Variants in NSD1 observed in about 807,000 individuals in gnomAD.
NSD1 encodes nuclear receptor binding SET domain protein 1.
In NSD1, 26 loss-of-function variants were observed where a neutral mutation model predicts 242.7. That is an observed-to-expected ratio of 0.11 (90% CI 0.08 to 0.15). NSD1 has a LOEUF of 0.15. NSD1 is among the 10% of genes least tolerant of loss of function. The pLI is 1.00. For missense variants in NSD1, 2,495 were observed against 3,272.8 expected, an observed-to-expected ratio of 0.76 and a Z score of 5.80; for synonymous variants, 1,106 against 1,178.1, an observed-to-expected ratio of 0.94 and a Z score of 1.25.
At chr5:177,203,902 A>AT (rs1249233069) in intron 3 of NSD1, among the ~76,000 whole-genome samples, 1 of 152,192 alleles carries the variant, frequency 6.6e-6, no homozygotes, top group Non-Finnish European at 1.5e-5. Context: ...ATCAGACTAG[A>AT]CTACTGATTC....
chr5:177,275,772 T>A (rs958003095), intron 17 of NSD1, among the ~76,000 whole-genome samples: 1 of 152,098 alleles, frequency 6.6e-6, no homozygotes, highest in Non-Finnish European at 1.5e-5. Context: ...AGCATAGTTG[T>A]GAATTATTGA....
chr5:177,235,734 C>A, intron 5 of NSD1, 87 bp from the exon 6 acceptor site: 1 of 1,558,488 alleles, frequency 6.4e-7, no homozygotes, highest in South Asian at 1.1e-5. Context: ...CATCTGGTTA[C>A]TTTTGGGAGT....
At chr5:177,267,949 A>C (rs1305757054) in intron 15 of NSD1, among the ~76,000 whole-genome samples, 1 of 98,092 alleles carries the variant, frequency 1.0e-5, no homozygotes, top group Non-Finnish European at 2.0e-5. Context: ...GTATTTTGTG[A>C]AAAGTTTTTT....
chr5:177,171,919 C>A (rs1258893083), intron 2 of NSD1, among the ~76,000 whole-genome samples: 2 of 152,184 alleles, frequency 1.3e-5, no homozygotes, highest in East Asian at 3.8e-4. Flanking sequence ...CATGGGTGTG[C>A]AAATATCTGT....
At chr5:177,226,597 G>A (rs1387324735) in intron 5 of NSD1, among the ~76,000 whole-genome samples, 1 of 152,122 alleles carries the variant, frequency 6.6e-6, no homozygotes, top group Non-Finnish European at 1.5e-5. Context: ...TGGGACCACA[G>A]CCGTGTACTA....
chr5:177,299,448 G>C lies in NSD1; in HGVS notation c.*3989G>C. Reference sequence around the variant, plus strand: ...AGTTTCTCAGGGCTGGGGCCACCTTGTCCATAGCCTCCGTCCACGCTGCCT... The same window carrying C: ...AGTTTCTCAGGGCTGGGGCCACCTTCTCCATAGCCTCCGTCCACGCTGCCT... On this transcript the variant is annotated 3_prime_UTR_variant, in exon 23 of 23. Transcript: ENST00000439151. The C allele has an allele frequency of 4.3e-6, 1 of 233,282 alleles. No homozygotes were observed. The highest frequency in any genetic ancestry group is 6.0e-5 in the East Asian group (1 of 16,586). 14.5% of individuals were successfully genotyped at this position (233,282 alleles called of 1,614,324 possible). A position where few individuals can be genotyped will look rare whatever the true frequency, so the allele number is the denominator to read the frequency against.
At chr5:177,154,144 C>G (rs922586187) in intron 2 of NSD1, among the ~76,000 whole-genome samples, 2 of 152,120 alleles carry the variant, frequency 1.3e-5, no homozygotes, top group African/African-American at 4.8e-5. Flanking sequence ...CCCACTTGCA[C>G]TTCTCCATAG....
rs949677046 is a variant in NSD1 at position 177,207,921 on chromosome 5, T to C, written c.1237-1715T>C. 1.7e-4 allele frequency among the ~76,000 whole-genome samples: 26 copies of C among 151,022 alleles called. No individual in the cohort carries two copies. The East Asian group carries it at 1.8e-3, about 10-fold the overall frequency. On this transcript the variant is annotated intron_variant, in intron 4 of 22. Transcript: ENST00000439151. Reference sequence around the variant, plus strand: ...TGTCCAGCTAGTGTGTGTGTGTGTGTGCGTGTGTGTGTGTGTGTTTTTAGT... The same window carrying C: ...TGTCCAGCTAGTGTGTGTGTGTGTGCGCGTGTGTGTGTGTGTGTTTTTAGT...
chr5:177,166,233 A>G (rs1201756247), intron 2 of NSD1, among the ~76,000 whole-genome samples: 1 of 151,844 alleles, frequency 6.6e-6, no homozygotes, highest in African/African-American at 2.4e-5. Context: ...CATTCTTGAT[A>G]ATTTTCTTTG....
intron 2 of NSD1, among the ~76,000 whole-genome samples, chr5:177,164,242 T>G (rs1390347613): frequency 6.6e-6 from 1 of 151,172 alleles, no homozygotes; most frequent in African/African-American, 2.4e-5. Context: ...CTGCAACCTC[T>G]GCCTTCTGGG....
intron 3 of NSD1, among the ~76,000 whole-genome samples, chr5:177,198,689 T>A (rs1245316812): frequency 6.6e-6 from 1 of 152,202 alleles, no homozygotes; most frequent in Non-Finnish European, 1.5e-5. Flanking sequence ...ATTTAGTCTG[T>A]AATAGCCCTT....
chr5:177,184,944 A>G (rs886895537), intron 2 of NSD1, among the ~76,000 whole-genome samples: 3 of 152,118 alleles, frequency 2.0e-5, no homozygotes, highest in Non-Finnish European at 2.9e-5. Context: ...TAGGCTTTGG[A>G]TATCATATAA....
chr5:177,179,634 C>T (rs749071418), intron 2 of NSD1, among the ~76,000 whole-genome samples: 68 of 152,208 alleles, frequency 4.5e-4, no homozygotes, highest in Non-Finnish European at 8.1e-4. Flanking sequence ...GCTTTCTTAT[C>T]ACCCTCTTGG....
chr5:177,248,306 C>T lies in NSD1; in HGVS notation c.4623C>T (p.Leu1541=). 2 of 1,613,794 alleles carry T rather than the reference C, an allele frequency of 1.2e-6. No homozygotes were observed. Among genetic ancestry groups the T allele is most frequent in the Non-Finnish European group, 1.7e-6 (2 of 1,179,892 alleles). ...GTGAACGCGGTGGAGGAGCTGCACT[C>T]AAGGAGAATGTCTGTCAGGTAGAGA... ...MQGERGGGAA[L]KENVCQNCEK... The change falls in exon 11 of 23, where the codon CTC becomes CTT. Residue 1541 remains leucine (L), a synonymous_variant. Coordinates refer to ENST00000439151, the MANE Select transcript of NSD1 (RefSeq NM_022455.5).
intron 5 of NSD1, among the ~76,000 whole-genome samples, chr5:177,217,691 G>T (rs1209431300): frequency 6.7e-5 from 9 of 134,286 alleles, no homozygotes; most frequent in Admixed American, 3.0e-4. Flanking sequence ...TTTTGAGACA[G>T]AGTTTCATTC....
At chr5:177,186,414 A>G (rs192704039) in intron 2 of NSD1, among the ~76,000 whole-genome samples, 2 of 152,238 alleles carry the variant, frequency 1.3e-5, no homozygotes, top group East Asian at 3.9e-4. Flanking sequence ...ACATTAAAAT[A>G]GCATATCCCA....
At chr5:177,227,948 A>C (rs944836628) in intron 5 of NSD1, among the ~76,000 whole-genome samples, 1 of 145,226 alleles carries the variant, frequency 6.9e-6, no homozygotes, top group Non-Finnish European at 1.5e-5. Context: ...AACTCTCTCA[A>C]AAAAAAAAAA....
At chr5:177,265,400 C>T (rs1581482539) in intron 14 of NSD1, 1 of 601,774 alleles carries the variant, frequency 1.7e-6, no homozygotes, top group Non-Finnish European at 2.9e-6. Context: ...ATGCAGCCAT[C>T]TAAAAACATA....
chr5:177,135,015 T>A, intron 1 of NSD1, 72 bp from the exon 2 acceptor site: 2 of 1,341,658 alleles, frequency 1.5e-6, no homozygotes, highest in Non-Finnish European at 2.1e-6. Flanking sequence ...GGCCTTGAAG[T>A]GGCTGCCATT....
Sources: gnomAD v4.1 joint callset for allele counts (sites outside exome capture counted in the v4.1 genomes callset) on GRCh38, gnomAD v4.1.1 for gene constraint, MANE v1.5 for transcripts, NCBI Gene and HGNC (gene_info 2026-07-23, HGNC 2026-07-21) for gene names.